SLC25A26: variants seen among roughly 807,000 people sequenced by gnomAD.
The protein encoded by SLC25A26 is solute carrier family 25 member 26, also known as mitochondrial S-adenosylmethionine carrier protein.
SLC25A26 carries 36 observed loss-of-function variants against 37.8 expected under a neutral mutation model. The observed-to-expected ratio is 0.95, with a 90% confidence interval of 0.73 to 1.26. The LOEUF (loss-of-function observed/expected upper bound fraction) is 1.26. SLC25A26 is among the 50% of genes most tolerant of loss of function. SLC25A26 has a pLI of 0.00. For missense variants in SLC25A26, 390 were observed against 331.1 expected (o/e 1.18, Z -1.38); for synonymous variants, 129 against 122.5 (o/e 1.05, Z -0.35).
At chr3:66,255,023 A>G (rs1311400570) in intron 3 of SLC25A26, among the ~76,000 whole-genome samples, 1 of 152,184 alleles carries the variant, frequency 6.6e-6, no homozygotes, top group African/African-American at 2.4e-5. Flanking sequence ...TGAAAGAACC[A>G]GGGGTTTTAG....
intron 6 of SLC25A26, among the ~76,000 whole-genome samples, chr3:66,362,363 A>T (rs916116245): frequency 4.6e-5 from 7 of 152,232 alleles, no homozygotes; most frequent in Non-Finnish European, 8.8e-5. Context: ...AGAAGAAGGC[A>T]ACTGTTGATA....
intron 5 of SLC25A26, among the ~76,000 whole-genome samples, chr3:66,336,847 A>G (rs1029892099): frequency 2.6e-5 from 4 of 152,160 alleles, no homozygotes; most frequent in Non-Finnish European, 5.9e-5. Context: ...AGAATTAGTA[A>G]TAGATTTTTA....
At chr3:66,284,014 C>T (rs1486240446) in intron 5 of SLC25A26, among the ~76,000 whole-genome samples, 1 of 152,040 alleles carries the variant, frequency 6.6e-6, no homozygotes, top group African/African-American at 2.4e-5. Context: ...CTTTTTTATG[C>T]TAAAATATTT....
chr3:66,232,767 TTTC>T, intron 1 of SLC25A26, among the ~76,000 whole-genome samples: 1 of 152,350 alleles, frequency 6.6e-6, no homozygotes, highest in South Asian at 2.1e-4. Context: ...GTGCTAGGAT[TTTC>T]TTCTTCATCC....
intron 5 of SLC25A26, among the ~76,000 whole-genome samples, chr3:66,265,980 A>G (rs1313491490): frequency 6.6e-6 from 1 of 152,258 alleles, no homozygotes; most frequent in Non-Finnish European, 1.5e-5. Context: ...ATACAAACAG[A>G]TAAAACACAT....
chr3:66,266,749 A>G (rs575574383), intron 5 of SLC25A26, among the ~76,000 whole-genome samples: 91 of 152,220 alleles, frequency 6.0e-4, no homozygotes, highest in African/African-American at 2.1e-3. Flanking sequence ...GATCTTTGCC[A>G]AATGAGATGT....
intron 1 of SLC25A26, among the ~76,000 whole-genome samples, chr3:66,135,673 G>A (rs771576774): frequency 6.6e-6 from 1 of 152,142 alleles, no homozygotes; most frequent in East Asian, 1.9e-4. Flanking sequence ...AGGCTAAAGT[G>A]GGAGGATCTC....
intron 5 of SLC25A26, chr3:66,304,555 C>T (rs114817593): frequency 2.3e-6 from 1 of 442,680 alleles, no homozygotes. Flanking sequence ...CTGTAACAAC[C>T]CCTGATTGCT....
chr3:66,187,276 C>G (rs2070846962), intron 1 of SLC25A26, among the ~76,000 whole-genome samples: 1 of 152,014 alleles, frequency 6.6e-6, no homozygotes, highest in Non-Finnish European at 1.5e-5. Context: ...CACAGCCTTA[C>G]CCTTCCCCTG....
At chr3:66,251,395 C>T (rs937359354) in intron 3 of SLC25A26, among the ~76,000 whole-genome samples, 1 of 152,104 alleles carries the variant, frequency 6.6e-6, no homozygotes, top group Admixed American at 6.6e-5. Flanking sequence ...GGAGCCCTTC[C>T]AGCGACATCC....
intron 5 of SLC25A26, among the ~76,000 whole-genome samples, chr3:66,286,993 A>G (rs1413734080): frequency 1.3e-5 from 2 of 151,954 alleles, no homozygotes; most frequent in South Asian, 2.1e-4. Flanking sequence ...TATGATGGCT[A>G]TCTTAAAAAA....
At chr3:66,214,866 G>A (rs2071337452) in intron 1 of SLC25A26, among the ~76,000 whole-genome samples, 1 of 152,148 alleles carries the variant, frequency 6.6e-6, no homozygotes, top group Non-Finnish European at 1.5e-5. Context: ...GGTGGCTCAT[G>A]CCTGTAATCC....
intron 3 of SLC25A26, among the ~76,000 whole-genome samples, chr3:66,256,132 G>C (rs983760202): frequency 9.2e-5 from 14 of 152,074 alleles, no homozygotes; most frequent in Non-Finnish European, 2.9e-5. Flanking sequence ...AAAATACAAG[G>C]AGTTAGTATA....
At chr3:66,223,870 T>G (rs1553659543) in intron 1 of SLC25A26, among the ~76,000 whole-genome samples, 1 of 152,146 alleles carries the variant, frequency 6.6e-6, no homozygotes, top group Non-Finnish European at 1.5e-5. Flanking sequence ...GTGCATACTT[T>G]TAGGAAAGCA....
rs543106686 is a variant in SLC25A26, at chr3:66,150,876, G to C, written c.-354+16892G>C. On this transcript the variant is annotated intron_variant, in intron 1 of 10. Coordinates refer to the SLC25A26 transcript ENST00000676754. ...CCCTCTGTTTTAGATTGCAGAGGCT[G>C]GTAGTGGGAACCCAGCTGCTCCTAC... 8.6e-5 allele frequency among the ~76,000 whole-genome samples: 13 copies of C among 151,850 alleles called. No homozygotes were observed. The South Asian group carries it at 2.7e-3, about 32-fold the overall frequency.
intron 1 of SLC25A26, among the ~76,000 whole-genome samples, chr3:66,194,588 G>C (rs2071008734): frequency 6.6e-6 from 1 of 152,158 alleles, no homozygotes; most frequent in Non-Finnish European, 1.5e-5. Context: ...CCTCTCTAGG[G>C]TCCTTATTCT....
At chr3:66,173,801 C>G (rs2106737305) in intron 1 of SLC25A26, among the ~76,000 whole-genome samples, 1 of 152,136 alleles carries the variant, frequency 6.6e-6, no homozygotes, top group South Asian at 2.1e-4. Flanking sequence ...ACCTGTAATC[C>G]CTGCACTTTG....
At chr3:66,304,492 C>A in intron 5 of SLC25A26, 1 of 455,254 alleles carries the variant, frequency 2.2e-6, no homozygotes, top group Non-Finnish European at 4.4e-6. Flanking sequence ...GGCTTGTGAG[C>A]TTCTGTGAGT....
intron 1 of SLC25A26, among the ~76,000 whole-genome samples, chr3:66,168,137 G>C: frequency 1.7e-5 from 1 of 59,158 alleles, no homozygotes; most frequent in Non-Finnish European, 3.5e-5. Context: ...TGGGCAACAA[G>C]AGCAAAACTC....
Sources: allele counts gnomAD v4.1 joint callset (sites outside exome capture counted in the v4.1 genomes callset), GRCh38; gene constraint gnomAD v4.1.1; transcripts MANE v1.5; gene names NCBI Gene and HGNC (gene_info 2026-07-23, HGNC 2026-07-21).